Variants in MOB1A observed in about 807,000 individuals in gnomAD.
MOB1A encodes MOB kinase activator 1A.
A neutral mutation model predicts 25.1 loss-of-function variants in MOB1A; 10 were observed. That is an observed-to-expected ratio of 0.40 (90% CI 0.25 to 0.68). MOB1A has a LOEUF of 0.68. Among genes scored for constraint, MOB1A ranks in the 30% least tolerant of loss-of-function variants. The pLI is 0.40. For synonymous variants in MOB1A, 81 were observed against 79.5 expected, an observed-to-expected ratio of 1.02 and a Z score of -0.10; for missense variants, 177 against 256.3, an observed-to-expected ratio of 0.69 and a Z score of 2.11.
rs114909696 is a variant in MOB1A, at chr2:74,172,159, C to T, written c.181+427G>A. 3.6e-3 allele frequency among the ~76,000 whole-genome samples: 548 copies of T among 152,318 alleles called. 5 individuals carry two copies. The highest frequency in any genetic ancestry group is 0.012 in the African/African-American group (514 of 41,570). On this transcript the variant is annotated intron_variant, in intron 2 of 5. Transcript: ENST00000396049. ...CAATCTCTCAATTCCCTCTGCCACT[C>T]TAAGTCACAACAATCAACTGTCCAT... is the stretch of plus-strand genomic sequence containing the variant.
At chr2:74,159,795 T>C (rs116679497) in intron 4 of MOB1A, among the ~76,000 whole-genome samples, 2,226 of 150,852 alleles carry the variant, frequency 0.015, 62 homozygotes, top group African/African-American at 0.051. Flanking sequence ...AAAAATCCTG[T>C]AGTTTTAGTT....
In MOB1A at chr2:74,154,342, C is replaced by G. The variant is rs549397620; in HGVS notation, c.*2226G>C. 6.0e-4 allele frequency: 92 copies of G among 152,266 alleles called. No individual in the cohort carries two copies. The highest frequency in any genetic ancestry group is 2.0e-3 in the African/African-American group (84 of 41,554). 9.4% of individuals were successfully genotyped at this position (152,266 alleles called of 1,614,324 possible). A position where few individuals can be genotyped will look rare whatever the true frequency, so the allele number is the denominator to read the frequency against. On this transcript the variant is annotated 3_prime_UTR_variant, in exon 6 of 6. Coordinates refer to ENST00000396049, the MANE Select transcript of MOB1A (RefSeq NM_018221.5). ...GGCTCCCTAGCCTTGGAGGTAAACA[C>G]TAATATTTCAGTGCACTGTTGGTTA...
In MOB1A at chr2:74,153,858, G is replaced by A. The variant is rs983074725; in HGVS notation, c.*2710C>T. 2 of 152,104 alleles carry A rather than the reference G, an allele frequency of 1.3e-5. No homozygotes were observed. Among genetic ancestry groups the A allele is most frequent in the African/African-American group, 2.4e-5 (1 of 41,400 alleles). The allele number at this position is 152,104 out of a possible 1,614,324, so 9.4% of individuals were successfully genotyped here. On this transcript the variant is annotated 3_prime_UTR_variant, in exon 6 of 6. Transcript: ENST00000396049. ...GCATGGGGAGATAAAAGTGAGAAGA[G>A]TCAAAAAGATTGATTTCTATAGGCC...
chr2:74,165,357 G>A lies in MOB1A; in HGVS notation c.276-6C>T. On this transcript the variant is annotated splice_polypyrimidine_tract_variant and splice_region_variant and intron_variant, in intron 3 of 5. Transcript: ENST00000396049. ...CTGCCCAGTGATATTCATATCTGAA[G>A]AGAAAAATGTTTTACTGATAAATTT... 1 of 1,482,898 alleles carries A rather than the reference G, an allele frequency of 6.7e-7. No individual in the cohort carries two copies. The highest frequency in any genetic ancestry group is 2.4e-5 in the East Asian group (1 of 41,150). 91.9% of individuals were successfully genotyped at this position (1,482,898 alleles called of 1,614,324 possible). A position where few individuals can be genotyped will look rare whatever the true frequency, so the allele number is the denominator to read the frequency against.
rs779055454 is a variant in MOB1A at position 74,159,075 on chromosome 2, A to G, written c.573+16T>C. 1.2e-6 allele frequency: 2 copies of G among 1,612,982 alleles called. No individual in the cohort carries two copies. The highest frequency in any genetic ancestry group is 2.2e-5 in the South Asian group (2 of 91,018). ...TCCAAGTCACAGGACACAGAAATCA[A>G]CATGGATCAACTTACCTGAACAAAG... On this transcript the variant is annotated intron_variant, in intron 5 of 5. Coordinates refer to ENST00000396049, the MANE Select transcript of MOB1A (RefSeq NM_018221.5).
chr2:74,162,119 T>C (rs571928849), intron 4 of MOB1A, among the ~76,000 whole-genome samples: 1 of 152,280 alleles, frequency 6.6e-6, no homozygotes, highest in African/African-American at 2.4e-5. Context: ...AAGATGCAGA[T>C]AATAGCCTAA....
chr2:74,173,706 T>C (rs1409352005), intron 1 of MOB1A, among the ~76,000 whole-genome samples: 2 of 149,906 alleles, frequency 1.3e-5, no homozygotes, highest in Non-Finnish European at 1.5e-5. Flanking sequence ...ATCCCAGCAC[T>C]TTGGGAGGCC....
At chr2:74,163,245 T>C (rs565510809) in intron 4 of MOB1A, among the ~76,000 whole-genome samples, 4 of 152,284 alleles carry the variant, frequency 2.6e-5, no homozygotes, top group South Asian at 2.1e-4. Context: ...ATGAACACTA[T>C]CTTAATATGA....
intron 2 of MOB1A, among the ~76,000 whole-genome samples, chr2:74,170,044 G>A (rs928396803): frequency 2.6e-5 from 4 of 152,202 alleles, no homozygotes. Flanking sequence ...ATCTACAGCA[G>A]TTAAGTCTCA....
Position 74,167,466 on chromosome 2 carries a change from G to C in MOB1A, c.182-359C>G, listed in dbSNP as rs189847702. 8.2e-4 allele frequency among the ~76,000 whole-genome samples: 125 copies of C among 152,254 alleles called. 1 individual carries two copies. Among genetic ancestry groups the C allele is most frequent in the African/African-American group, 2.9e-3 (119 of 41,530 alleles). On this transcript the variant is annotated intron_variant, in intron 2 of 5. Coordinates refer to ENST00000396049, the MANE Select transcript of MOB1A (RefSeq NM_018221.5). The stretch of plus-strand genomic sequence containing the variant: ...GGGTTTCACCATGTTGGCCAGGCTG[G>C]TCTTGAACTCCTGACCTCATGATCC...
chr2:74,163,413 G>A (rs1272940538), intron 4 of MOB1A, among the ~76,000 whole-genome samples: 1 of 152,138 alleles, frequency 6.6e-6, no homozygotes, highest in Admixed American at 6.5e-5. Context: ...AAGGAAGGAG[G>A]GATGCTTGAG....
chr2:74,158,196 A>AGGG (rs1553444321), intron 5 of MOB1A, among the ~76,000 whole-genome samples: 1,678 of 119,340 alleles, frequency 0.014, 38 homozygotes, highest in African/African-American at 0.05. Context: ...AAAAAAAAAG[A>AGGG]GGGGGGAAAA....
chr2:74,156,530 G>A lies in MOB1A; in HGVS notation c.*38C>T, dbSNP rs1202556060. ...TAGCAATGAGATAGTTCTAGCAATAGATGAAGCAAGGGGGTAACTGTGTTC... is the reference window on the plus strand; with the variant it reads ...TAGCAATGAGATAGTTCTAGCAATAAATGAAGCAAGGGGGTAACTGTGTTC... On this transcript the variant is annotated 3_prime_UTR_variant, in exon 6 of 6. Coordinates refer to ENST00000396049, the MANE Select transcript of MOB1A (RefSeq NM_018221.5). 3.6e-6 allele frequency: 5 copies of A among 1,402,300 alleles called. No individual in the cohort carries two copies. The highest frequency in any genetic ancestry group is 4.9e-6 in the Non-Finnish European group (5 of 1,011,402). The allele number at this position is 1,402,300 out of a possible 1,614,324, so 86.9% of individuals were successfully genotyped here. A position where few individuals can be genotyped will look rare whatever the true frequency, so the allele number is the denominator to read the frequency against.
intron 5 of MOB1A, 168 bp downstream of exon 5, chr2:74,158,923 G>A (rs1002518898): frequency 2.8e-6 from 2 of 720,684 alleles, no homozygotes; most frequent in Non-Finnish European, 2.3e-6. Context: ...TTATACTGCT[G>A]CACACATCAA....
At chr2:74,170,000 G>C (rs1391858400) in intron 2 of MOB1A, among the ~76,000 whole-genome samples, 1 of 152,076 alleles carries the variant, frequency 6.6e-6, no homozygotes, top group Non-Finnish European at 1.5e-5. Flanking sequence ...AAGAGGGTAA[G>C]TGGATCTGAG....
At chr2:74,172,486 G>A in intron 2 of MOB1A, 100 bp downstream of exon 2, 9 of 1,108,814 alleles carry the variant, frequency 8.1e-6, no homozygotes, top group Non-Finnish European at 1.2e-5. Flanking sequence ...CAGATAATTT[G>A]TTATATTAAA....
At chr2:74,157,418 C>T (rs576844621) in intron 5 of MOB1A, among the ~76,000 whole-genome samples, 13 of 152,068 alleles carry the variant, frequency 8.5e-5, no homozygotes, top group Non-Finnish European at 1.6e-4. Flanking sequence ...TCATAATAAA[C>T]AGGTAGAGAT....
At chr2:74,157,321 C>T (rs1692832501) in intron 5 of MOB1A, among the ~76,000 whole-genome samples, 1 of 151,996 alleles carries the variant, frequency 6.6e-6, no homozygotes, top group Non-Finnish European at 1.5e-5. Context: ...GCATGGCATG[C>T]CTGGAGAGAG....
intron 1 of MOB1A, 24 bp from the exon 2 acceptor site, chr2:74,172,776 T>C (rs750125157): frequency 1.1e-5 from 17 of 1,600,386 alleles, no homozygotes; most frequent in Non-Finnish European, 1.7e-6. Context: ...AGTGCAAGTA[T>C]ATGAATTTTT....
Sources: gnomAD v4.1 joint callset for allele counts (sites outside exome capture counted in the v4.1 genomes callset) on GRCh38, gnomAD v4.1.1 for gene constraint, MANE v1.5 for transcripts, NCBI Gene and HGNC (gene_info 2026-07-23, HGNC 2026-07-21) for gene names.